The following ENOX1 variants were observed in gnomAD, a reference collection of about 807,000 sequenced individuals.
ENOX1 encodes the protein ecto-NOX disulfide-thiol exchanger 1, also known as candidate growth-related and time keeping constitutive hydroquinone (NADH) oxidase.
ENOX1 carries 42 observed loss-of-function variants against 82.5 expected under a neutral mutation model. The ratio of observed to expected loss-of-function variants is 0.51; its 90% CI spans 0.40 to 0.66. The LOEUF (loss-of-function observed/expected upper bound fraction) is 0.66. Ranked by LOEUF, ENOX1 falls within the 30% of genes least tolerant of loss-of-function variation. ENOX1 has a pLI of 0.00. For missense variants in ENOX1, 608 were observed against 811.6 expected (o/e 0.75, Z 3.05); for synonymous variants, 271 against 282.2 (o/e 0.96, Z 0.40).
At chr13:43,595,091 G>A (rs1325419912) in intron 2 of ENOX1, among the ~76,000 whole-genome samples, 1 of 149,930 alleles carries the variant, frequency 6.7e-6, no homozygotes, top group Non-Finnish European at 1.5e-5. Context: ...CCCTTGGGGT[G>A]AACCCACAGC....
intron 3 of ENOX1, among the ~76,000 whole-genome samples, chr13:43,467,511 A>G (rs2057784431): frequency 7.6e-6 from 1 of 131,414 alleles, no homozygotes; most frequent in Admixed American, 7.2e-5. Flanking sequence ...ATGTTATTTT[A>G]AAATTTTAAA....
At chr13:43,470,318 A>ATG in intron 3 of ENOX1, among the ~76,000 whole-genome samples, 1 of 50,068 alleles carries the variant, frequency 2.0e-5, no homozygotes, top group African/African-American at 6.6e-5. Context: ...ATATATATAC[A>ATG]CATATATATA....
At chr13:43,312,356 T>C (rs2047252690) in intron 11 of ENOX1, among the ~76,000 whole-genome samples, 1 of 152,100 alleles carries the variant, frequency 6.6e-6, no homozygotes, top group East Asian at 1.9e-4. Context: ...CTTCAATAAG[T>C]CTTGAAATTA....
At chr13:43,562,004 G>A (rs1326861450) in intron 2 of ENOX1, among the ~76,000 whole-genome samples, 1 of 149,676 alleles carries the variant, frequency 6.7e-6, no homozygotes, top group African/African-American at 2.5e-5. Context: ...AGGGAGGGAG[G>A]GAGGGAGGGA....
chr13:43,252,204 T>C (rs895504503), intron 14 of ENOX1, among the ~76,000 whole-genome samples: 1 of 152,058 alleles, frequency 6.6e-6, no homozygotes, highest in Non-Finnish European at 1.5e-5. Flanking sequence ...GATAGAACAA[T>C]AGAAACGACG....
chr13:43,773,562 G>A (rs373908137), intron 1 of ENOX1, among the ~76,000 whole-genome samples: 24 of 152,102 alleles, frequency 1.6e-4, no homozygotes, highest in East Asian at 9.6e-4. Flanking sequence ...TAAAAGCCAA[G>A]CTTTCACACA....
rs747964686 is a variant in ENOX1, at chr13:43,778,828, T to TGGGCA, written c.-285+7819_-285+7823dup. 1.4e-4 allele frequency among the ~76,000 whole-genome samples: 22 copies of TGGGCA among 152,216 alleles called. No individual in the cohort carries two copies. The East Asian group carries it at 2.9e-3, about 20-fold the overall frequency. ...GCCCTTTCAGGGGTGCCAAGTCCAATGGGCAGGGCAGGGCAGGGCAACAGG... is the reference window on the plus strand; with the variant it reads ...GCCCTTTCAGGGGTGCCAAGTCCAATGGGCAGGGCAGGGCAGGGCAGGGCAACAGG... On this transcript the variant is annotated intron_variant, in intron 1 of 16. Transcript: ENST00000690772.
intron 2 of ENOX1, among the ~76,000 whole-genome samples, chr13:43,562,698 A>C (rs2079737512): frequency 6.6e-6 from 1 of 152,176 alleles, no homozygotes; most frequent in Non-Finnish European, 1.5e-5. Flanking sequence ...AAAGAACTGG[A>C]AAGATACTCC....
chr13:43,365,717 GAGAT>G (rs1427366172), intron 5 of ENOX1, among the ~76,000 whole-genome samples: 1 of 152,238 alleles, frequency 6.6e-6, no homozygotes, highest in Admixed American at 6.5e-5. Context: ...TTTGGGGAAG[GAGAT>G]AGACCCCTCA....
At chr13:43,414,401 A>T (rs990387762) in intron 3 of ENOX1, among the ~76,000 whole-genome samples, 2 of 152,186 alleles carry the variant, frequency 1.3e-5, no homozygotes, top group East Asian at 3.9e-4. Context: ...ACTGAGAATA[A>T]ATATTTTATT....
At chr13:43,630,417 G>A (rs1329297) in intron 2 of ENOX1, among the ~76,000 whole-genome samples, 22,367 of 152,090 alleles carry the variant, frequency 0.15, 2,048 homozygotes, top group East Asian at 0.39. Context: ...TAAGACAGCA[G>A]TAACTAGGAA....
intron 9 of ENOX1, among the ~76,000 whole-genome samples, chr13:43,328,040 G>A (rs1356701406): frequency 6.6e-6 from 1 of 152,104 alleles, no homozygotes; most frequent in Non-Finnish European, 1.5e-5. Flanking sequence ...TTTAACAGGA[G>A]GATTTGCCTT....
At chr13:43,332,303 A>G (rs1012511260) in intron 9 of ENOX1, among the ~76,000 whole-genome samples, 6 of 152,104 alleles carry the variant, frequency 3.9e-5, no homozygotes, top group Non-Finnish European at 1.5e-5. Context: ...GGAGCATGCA[A>G]CCTAGATCCC....
At chr13:43,610,539 G>A (rs561920530) in intron 2 of ENOX1, among the ~76,000 whole-genome samples, 3 of 152,262 alleles carry the variant, frequency 2.0e-5, no homozygotes, top group South Asian at 2.1e-4. Context: ...CTTAGTTAAC[G>A]AACAGGATTA....
intron 12 of ENOX1, among the ~76,000 whole-genome samples, chr13:43,277,255 T>C (rs946361797): frequency 1.3e-5 from 2 of 152,246 alleles, no homozygotes; most frequent in Non-Finnish European, 2.9e-5. Context: ...CCATTCTCAT[T>C]GCTAGGCAGA....
intron 2 of ENOX1, among the ~76,000 whole-genome samples, chr13:43,595,168 G>T (rs900669338): frequency 2.0e-5 from 3 of 150,264 alleles, no homozygotes; most frequent in African/African-American, 4.9e-5. Flanking sequence ...TAATGTACCA[G>T]ATTTTAAGAG....
chr13:43,319,855 C>A (rs551700285), intron 11 of ENOX1, among the ~76,000 whole-genome samples: 1 of 152,198 alleles, frequency 6.6e-6, no homozygotes, highest in African/African-American at 2.4e-5. Flanking sequence ...ACAGCACTGG[C>A]AATTCCCCTG....
chr13:43,736,201 G>T (rs73189927), intron 1 of ENOX1, among the ~76,000 whole-genome samples: 5,315 of 152,204 alleles, frequency 0.035, 250 homozygotes, highest in East Asian at 0.24. Context: ...CACAAAACCT[G>T]AAGAGCTTTA....
chr13:43,434,022 A>G (rs1159593268), intron 3 of ENOX1, among the ~76,000 whole-genome samples: 1 of 152,232 alleles, frequency 6.6e-6, no homozygotes, highest in Non-Finnish European at 1.5e-5. Flanking sequence ...AATGCACTGG[A>G]GGGAGCCTCA....
Sources: gnomAD v4.1 joint callset for allele counts (sites outside exome capture counted in the v4.1 genomes callset) on GRCh38, gnomAD v4.1.1 for gene constraint, MANE v1.5 for transcripts, NCBI Gene and HGNC (gene_info 2026-07-23, HGNC 2026-07-21) for gene names.